SUDS3: variants seen among roughly 807,000 people sequenced by gnomAD.
The protein encoded by SUDS3 is SIN3A corepressor complex component SDS3, also known as sin3 histone deacetylase corepressor complex component SDS3.
Under a neutral mutation model 53.5 loss-of-function variants are expected in SUDS3, and 23 were observed. The observed-to-expected ratio is 0.43, with a 90% CI of 0.31 to 0.61. The LOEUF (loss-of-function observed/expected upper bound fraction) is 0.61, where lower values mean the gene tolerates loss of function less well. Ranked by LOEUF, SUDS3 falls within the 20% of genes least tolerant of loss-of-function variation. The pLI is 0.10. For synonymous variants in SUDS3, 150 were observed against 148.5 expected, an observed-to-expected ratio of 1.01 and a Z score of -0.08; for missense variants, 291 against 405.9, an observed-to-expected ratio of 0.72 and a Z score of 2.43.
chr12:118,397,091 A>G (rs1305691648), intron 6 of SUDS3, among the ~76,000 whole-genome samples: 2 of 152,186 alleles, frequency 1.3e-5, no homozygotes, highest in East Asian at 1.9e-4. Context: ...ATAAAATAGT[A>G]TCTCCACTGA....
chr12:118,400,536 C>A, intron 6 of SUDS3, 123 bp from the exon 7 acceptor site: 1 of 871,512 alleles, frequency 1.1e-6, no homozygotes, highest in Non-Finnish European at 1.9e-6. Context: ...ATGTGTAGAA[C>A]AAACACCCCC....
At chr12:118,397,013 T>C (rs1322039222) in intron 6 of SUDS3, among the ~76,000 whole-genome samples, 1 of 152,148 alleles carries the variant, frequency 6.6e-6, no homozygotes, top group Non-Finnish European at 1.5e-5. Flanking sequence ...CCTAGTCTTG[T>C]TGCTTGTTTG....
intron 10 of SUDS3, among the ~76,000 whole-genome samples, chr12:118,406,932 T>TGTCC (rs1244799805): frequency 6.7e-6 from 1 of 150,100 alleles, no homozygotes; most frequent in Admixed American, 6.6e-5. Flanking sequence ...AGGGTCTCAC[T>TGTCC]GTCCCCCAGG....
intron 6 of SUDS3, among the ~76,000 whole-genome samples, chr12:118,394,839 C>G (rs2046199395): frequency 6.6e-6 from 1 of 152,124 alleles, no homozygotes. Context: ...GCATGTGCCA[C>G]CTTACCTGGC....
At chr12:118,379,390 T>C (rs185289608) in intron 1 of SUDS3, among the ~76,000 whole-genome samples, 3 of 152,240 alleles carry the variant, frequency 2.0e-5, no homozygotes, top group Non-Finnish European at 4.4e-5. Context: ...TGAGCCGAGA[T>C]TGTGCCACTG....
At chr12:118,409,986 C>T (rs2046344189) in intron 10 of SUDS3, among the ~76,000 whole-genome samples, 1 of 152,248 alleles carries the variant, frequency 6.6e-6, no homozygotes, top group African/African-American at 2.4e-5. Flanking sequence ...TCTGTCTTAT[C>T]TACTGTATTC....
At chr12:118,401,727 C>G (rs1159720098) in intron 7 of SUDS3, 32 bp from the exon 8 acceptor site, 1 of 1,581,676 alleles carries the variant, frequency 6.3e-7, no homozygotes, top group Non-Finnish European at 8.7e-7. Context: ...GGAAACTGTA[C>G]TTTTCACATA....
In SUDS3 at chr12:118,415,914, C is replaced by G. The variant is rs1308759447; in HGVS notation, c.*1481C>G. On this transcript the variant is annotated 3_prime_UTR_variant, in exon 12 of 12. Coordinates refer to ENST00000543473, the MANE Select transcript of SUDS3 (RefSeq NM_022491.3). Reference sequence around the variant, plus strand: ...ATAGATTTTTGTTTTAACTTACAATCCGTTTTTTCCTCTTTTTTTTTTTTT... The same window carrying G: ...ATAGATTTTTGTTTTAACTTACAATGCGTTTTTTCCTCTTTTTTTTTTTTT... The G allele has an allele frequency of 6.6e-6, 1 of 150,966 alleles. No individual in the cohort carries two copies. Among genetic ancestry groups the G allele is most frequent in the African/African-American group, 2.4e-5 (1 of 41,074 alleles). 9.4% of individuals were successfully genotyped at this position (150,966 alleles called of 1,614,324 possible). A position where few individuals can be genotyped will look rare whatever the true frequency, so the allele number is the denominator to read the frequency against.
In SUDS3 at chr12:118,403,438, C is replaced by A. The variant is rs1168352037; in HGVS notation, c.724C>A (p.Pro242Thr). ...ATCTCCATCCTCTCCTGAGCACTTGCCTGCAACACCCGCGGAATCTCCAGC... is the reference window on the plus strand; with the variant it reads ...ATCTCCATCCTCTCCTGAGCACTTGACTGCAACACCCGCGGAATCTCCAGC... ...PASPSSPEHL[P>T]ATPAESPAQR... Residue 242 changes from proline (P) to threonine (T), a missense_variant, in exon 10 of 12, where the codon CCT becomes ACT. Physicochemically the swap from Pro to Thr is conservative, Grantham distance 38. Around this residue, in one of 4 missense-constraint regions of SUDS3, gnomAD observed 77 missense variants for 87.1 expected, o/e 0.88. Transcript: ENST00000543473. 30 of 1,613,524 alleles carry A rather than the reference C, an allele frequency of 1.9e-5. No homozygotes were observed. The highest frequency in any genetic ancestry group is 2.5e-5 in the Non-Finnish European group (30 of 1,179,794).
intron 10 of SUDS3, among the ~76,000 whole-genome samples, chr12:118,407,311 C>G (rs1009942550): frequency 5.3e-5 from 8 of 152,162 alleles, no homozygotes; most frequent in Admixed American, 3.9e-4. Flanking sequence ...TTGAAGGTCT[C>G]AGAGACTGCG....
intron 7 of SUDS3, 77 bp downstream of exon 7, chr12:118,400,831 T>C (rs1380119231): frequency 7.4e-7 from 1 of 1,345,680 alleles, no homozygotes; most frequent in African/African-American, 1.4e-5. Flanking sequence ...TTTGCTAGGG[T>C]ACACATGGCC....
At chr12:118,391,391 TG>T in intron 6 of SUDS3, 109 bp downstream of exon 6, 1 of 1,327,374 alleles carries the variant, frequency 7.5e-7, no homozygotes, top group Non-Finnish European at 1.0e-6. Flanking sequence ...AGGTGGAGAG[TG>T]GGTTTTGACC....
chr12:118,400,710 A>ATT lies in SUDS3; in HGVS notation c.570_571insTT (p.Asp191LeufsTer18). 1 of 1,613,966 alleles carries ATT rather than the reference A, an allele frequency of 6.2e-7. No homozygotes were observed. ...ACCAGAAAGTTGCGGAGGCGACCAA[A>ATT]TGATCCCGTCCCCATCCCAGACAAG... is the stretch of plus-strand genomic sequence containing the variant. On this transcript the variant is annotated frameshift_variant, in exon 7 of 12. Coordinates refer to ENST00000543473, the MANE Select transcript of SUDS3 (RefSeq NM_022491.3). LOFTEE classifies it high-confidence loss of function.
At chr12:118,377,271 G>C (rs545644603) in intron 1 of SUDS3, among the ~76,000 whole-genome samples, 75 of 152,080 alleles carry the variant, frequency 4.9e-4, no homozygotes, top group African/African-American at 1.3e-3. Context: ...ACACTATTGA[G>C]AACTCAGGTT....
chr12:118,412,081 G>T (rs2046364436), intron 11 of SUDS3, among the ~76,000 whole-genome samples: 1 of 152,138 alleles, frequency 6.6e-6, no homozygotes, highest in African/African-American at 2.4e-5. Context: ...TATGCCCTTG[G>T]TTTTTGGTCT....
intron 10 of SUDS3, among the ~76,000 whole-genome samples, chr12:118,406,370 TG>T (rs1375841911): frequency 1.3e-5 from 2 of 152,218 alleles, no homozygotes; most frequent in African/African-American, 4.8e-5. Context: ...AGCTATAACG[TG>T]GACTCACTTA....
At chr12:118,394,717 A>G (rs2046198386) in intron 6 of SUDS3, among the ~76,000 whole-genome samples, 1 of 152,078 alleles carries the variant, frequency 6.6e-6, no homozygotes, top group Non-Finnish European at 1.5e-5. Flanking sequence ...ACAGGGTCTC[A>G]CTCCAGTTGC....
rs142907969 is a variant in SUDS3 at position 118,400,295 on chromosome 12, A to T, written c.518-364A>T. On this transcript the variant is annotated intron_variant, in intron 6 of 11. Coordinates refer to ENST00000543473, the MANE Select transcript of SUDS3 (RefSeq NM_022491.3). ...GAGCTGCAGAAATTAGTCAGCTGAGATGACCTTCAGGTTCCTTCCTATCCC... is the reference window on the plus strand; with the variant it reads ...GAGCTGCAGAAATTAGTCAGCTGAGTTGACCTTCAGGTTCCTTCCTATCCC... Among the ~76,000 whole-genome samples, 705 of 152,260 alleles carry T rather than the reference A, an allele frequency of 4.6e-3. 2 individuals are homozygous for T. Among genetic ancestry groups the T allele is most frequent in the African/African-American group, 0.016 (655 of 41,558 alleles).
At chr12:118,385,022 T>C (rs1343162950) in intron 3 of SUDS3, among the ~76,000 whole-genome samples, 1 of 152,088 alleles carries the variant, frequency 6.6e-6, no homozygotes, top group Admixed American at 6.5e-5. Flanking sequence ...GTGTGCACAC[T>C]GCAAGGTCCT....
Sources: gnomAD v4.1 joint callset for allele counts (sites outside exome capture counted in the v4.1 genomes callset) on GRCh38, gnomAD v4.1.1 for gene constraint, gnomAD v4.1.1 regional missense constraint, MANE v1.5 for transcripts, NCBI Gene and HGNC (gene_info 2026-07-23, HGNC 2026-07-21) for gene names.